GALNT7: variants seen among roughly 807,000 people sequenced by gnomAD.
The protein encoded by GALNT7 is polypeptide N-acetylgalactosaminyltransferase 7, also known as N-acetylgalactosaminyltransferase 7.
Under a neutral mutation model 82.1 loss-of-function variants are expected in GALNT7, and 60 were observed. The ratio of observed to expected loss-of-function variants is 0.73; its 90% CI spans 0.59 to 0.91. The LOEUF (loss-of-function observed/expected upper bound fraction) is 0.91. Ranked by LOEUF, GALNT7 falls within the 40% of genes least tolerant of loss-of-function variation. The probability of loss-of-function intolerance (pLI) is 0.00; values close to 1 mark genes in which losing one functional copy is unlikely to be tolerated. For synonymous variants in GALNT7, 243 were observed against 275.1 expected, an observed-to-expected ratio of 0.88 and a Z score of 1.15; for missense variants, 660 against 804.2, an observed-to-expected ratio of 0.82 and a Z score of 2.17.
At chr4:173,194,787 C>T (rs549711726) in intron 1 of GALNT7, among the ~76,000 whole-genome samples, 14 of 152,088 alleles carry the variant, frequency 9.2e-5, no homozygotes, top group East Asian at 3.9e-4. Flanking sequence ...TTTCCCTCCC[C>T]GCTTCCCCCA....
At chr4:173,221,480 C>T (rs1175220828) in intron 1 of GALNT7, among the ~76,000 whole-genome samples, 28 of 152,068 alleles carry the variant, frequency 1.8e-4, no homozygotes, top group Non-Finnish European at 2.9e-5. Flanking sequence ...CATATTAGGT[C>T]AGAGATGTAA....
intron 2 of GALNT7, among the ~76,000 whole-genome samples, chr4:173,261,856 C>T (rs1446589066): frequency 6.6e-6 from 1 of 151,908 alleles, no homozygotes; most frequent in African/African-American, 2.4e-5. Context: ...TAGATAGCTG[C>T]AAATAATTAG....
intron 2 of GALNT7, among the ~76,000 whole-genome samples, chr4:173,288,909 C>G (rs1183427979): frequency 1.3e-5 from 2 of 151,824 alleles, no homozygotes; most frequent in African/African-American, 4.8e-5. Flanking sequence ...CAGTTGGTGT[C>G]TTAGTAATCA....
intron 2 of GALNT7, among the ~76,000 whole-genome samples, chr4:173,248,645 TG>T (rs1734747330): frequency 6.6e-6 from 1 of 152,212 alleles, no homozygotes; most frequent in Admixed American, 6.5e-5. Flanking sequence ...TATAAAATTC[TG>T]GGGCCCTCTA....
At chr4:173,193,016 G>T (rs1259163335) in intron 1 of GALNT7, among the ~76,000 whole-genome samples, 1 of 152,144 alleles carries the variant, frequency 6.6e-6, no homozygotes, top group Non-Finnish European at 1.5e-5. Flanking sequence ...AAGTTATGGG[G>T]GAGGAAAACC....
At chr4:173,287,474 G>A (rs1736365845) in intron 2 of GALNT7, among the ~76,000 whole-genome samples, 1 of 152,278 alleles carries the variant, frequency 6.6e-6, no homozygotes, top group Non-Finnish European at 1.5e-5. Flanking sequence ...GGGTAGTGCA[G>A]ACTTGAAGAT....
In GALNT7 at chr4:173,243,879, A is replaced by G. The variant is rs75910843; in HGVS notation, c.127-4101A>G. ...TCCCATTTTGTATTTTCCATTCTTT[A>G]TCTCCCCTTTTCTTTTCGGAGTCTA... On this transcript the variant is annotated intron_variant, in intron 1 of 11. Transcript: ENST00000265000. Among the ~76,000 whole-genome samples the G allele has an allele frequency of 4.9e-4, 75 of 152,084 alleles. No homozygotes were observed. In the East Asian group the frequency reaches 0.012, roughly 24 times the overall value.
chr4:173,248,101 A>G lies in GALNT7; in HGVS notation c.248A>G (p.Glu83Gly). Residue 83 changes from glutamate (E) to glycine (G), a missense_variant, in exon 2 of 12, where the codon GAG becomes GGG. By Grantham distance (98) the Glu-to-Gly change is moderately conservative (BLOSUM62 -2). This residue lies in a region of GALNT7 where 133 missense variants were observed against 120.7 expected (regional missense o/e 1.10). Coordinates refer to ENST00000265000, the MANE Select transcript of GALNT7 (RefSeq NM_017423.3). ...GTTGAAGGAGTAGAAGTGGACTTAG[A>G]GTCTATTAGAAGAATAAACAAGGCC... ...PHVEGVEVDL[E>G]SIRRINKAKN... 1 of 1,613,578 alleles carries G rather than the reference A, an allele frequency of 6.2e-7. No individual in the cohort carries two copies. The highest frequency in any genetic ancestry group is 8.5e-7 in the Non-Finnish European group (1 of 1,179,566).
At chr4:173,295,720 A>T in intron 4 of GALNT7, 44 bp from the exon 5 acceptor site, 1 of 1,245,348 alleles carries the variant, frequency 8.0e-7, no homozygotes, top group South Asian at 1.2e-5. Context: ...TATATGATGT[A>T]ACGTATATGA....
chr4:173,308,701 G>A (rs902302126), intron 8 of GALNT7, among the ~76,000 whole-genome samples: 4 of 152,152 alleles, frequency 2.6e-5, no homozygotes, highest in Admixed American at 6.5e-5. Context: ...TCAGGAGTTC[G>A]AGACCAGCCT....
intron 1 of GALNT7, among the ~76,000 whole-genome samples, chr4:173,224,979 C>A (rs12503939): frequency 0.25 from 37,306 of 150,952 alleles, 5,266 homozygotes; most frequent in Admixed American, 0.34. Context: ...TGTGCCACTG[C>A]ACTCTAGCCT....
rs564934807 is a variant in GALNT7 at position 173,176,577 on chromosome 4, G to T, written c.126+7616G>T. Among the ~76,000 whole-genome samples, 59 of 152,314 alleles carry T rather than the reference G, an allele frequency of 3.9e-4. 1 individual carries two copies. The highest frequency in any genetic ancestry group is 1.4e-3 in the African/African-American group (59 of 41,566). On this transcript the variant is annotated intron_variant, in intron 1 of 11. Coordinates refer to ENST00000265000, the MANE Select transcript of GALNT7 (RefSeq NM_017423.3). The stretch of plus-strand genomic sequence containing the variant: ...GCCAGATGCACAAGTAAACAATTGT[G>T]CTGGGTAAGACAAAAACTGTATTAG...
intron 1 of GALNT7, among the ~76,000 whole-genome samples, chr4:173,185,839 C>T (rs752853629): frequency 6.6e-6 from 1 of 152,090 alleles, no homozygotes; most frequent in Non-Finnish European, 1.5e-5. Flanking sequence ...ATTTAGCAAT[C>T]TTATGGTTTT....
chr4:173,170,187 A>T (rs1350130400), intron 1 of GALNT7, among the ~76,000 whole-genome samples: 7 of 152,118 alleles, frequency 4.6e-5, no homozygotes, highest in Non-Finnish European at 8.8e-5. Flanking sequence ...GGGACAGCCA[A>T]CTGGGCCGGC....
chr4:173,220,771 G>A (rs535244468), intron 1 of GALNT7, among the ~76,000 whole-genome samples: 12 of 151,656 alleles, frequency 7.9e-5, no homozygotes, highest in African/African-American at 2.4e-4. Flanking sequence ...TTGTTCTTGC[G>A]ATGGTTTACT....
chr4:173,236,332 T>C lies in GALNT7; in HGVS notation c.127-11648T>C, dbSNP rs181630828. ...TGTCATTCTTGTTACTTCAACATCATGACTGCAGTTTTTAGCCCTGTTGAC... is the reference window on the plus strand; with the variant it reads ...TGTCATTCTTGTTACTTCAACATCACGACTGCAGTTTTTAGCCCTGTTGAC... On this transcript the variant is annotated intron_variant, in intron 1 of 11. Transcript: ENST00000265000. Among the ~76,000 whole-genome samples, 16 of 152,366 alleles carry C rather than the reference T, an allele frequency of 1.1e-4. 1 individual carries two copies. Among genetic ancestry groups the C allele is most frequent in the Admixed American group, 9.8e-4 (15 of 15,312 alleles).
rs1737882793 is a variant in GALNT7, at chr4:173,323,113, C to A, written c.*1396C>A. 1 of 149,852 alleles carries A rather than the reference C, an allele frequency of 6.7e-6. No individual in the cohort carries two copies. The highest frequency in any genetic ancestry group is 2.5e-5 in the African/African-American group (1 of 40,500). 9.3% of individuals were successfully genotyped at this position (149,852 alleles called of 1,614,324 possible). ...TCTGTTATCCAGAAGATTAAAATGC[C>A]TACATTGAGTGCTTAAAAAAAAAAA... On this transcript the variant is annotated 3_prime_UTR_variant, in exon 12 of 12. Transcript: ENST00000265000.
intron 2 of GALNT7, among the ~76,000 whole-genome samples, chr4:173,253,293 G>C (rs991160944): frequency 1.3e-5 from 2 of 152,178 alleles, no homozygotes; most frequent in Non-Finnish European, 2.9e-5. Flanking sequence ...GAGGGCACTT[G>C]AACATGTAGT....
chr4:173,317,383 C>T (rs1258592329), intron 9 of GALNT7: 1 of 287,684 alleles, frequency 3.5e-6, no homozygotes, highest in Non-Finnish European at 6.6e-6. Context: ...CTTTTTTTTT[C>T]TCTGTGGTAT....
Sources: gnomAD v4.1 joint callset for allele counts (sites outside exome capture counted in the v4.1 genomes callset) on GRCh38, gnomAD v4.1.1 for gene constraint, gnomAD v4.1.1 regional missense constraint, MANE v1.5 for transcripts, NCBI Gene and HGNC (gene_info 2026-07-23, HGNC 2026-07-21) for gene names.